KDM4C: variants seen among roughly 807,000 people sequenced by gnomAD.
KDM4C encodes the protein lysine demethylase 4C, also known as lysine-specific demethylase 4C.
A neutral mutation model predicts 129.3 loss-of-function variants in KDM4C; 81 were observed. The ratio of observed to expected loss-of-function variants is 0.63; its 90% confidence interval spans 0.52 to 0.75. KDM4C has a LOEUF of 0.75. Among genes scored for constraint, KDM4C ranks in the 30% least tolerant of loss-of-function variants. The pLI, the probability that KDM4C is intolerant of heterozygous loss-of-function variation, is 0.00. For synonymous variants in KDM4C, 573 were observed against 456.1 expected (o/e 1.26, Z -3.26); for missense variants, 1,457 against 1,304.0 (o/e 1.12, Z -1.81).
intron 8 of KDM4C, among the ~76,000 whole-genome samples, chr9:6,914,581 T>C (rs1268174847): frequency 1.3e-5 from 2 of 152,230 alleles, no homozygotes; most frequent in Non-Finnish European, 2.9e-5. Flanking sequence ...TTATGTCTGC[T>C]ATGGTTTGAG....
intron 12 of KDM4C, among the ~76,000 whole-genome samples, chr9:7,002,388 A>G (rs1057068280): frequency 6.6e-6 from 1 of 152,214 alleles, no homozygotes; most frequent in African/African-American, 2.4e-5. Flanking sequence ...TTATTAGTAC[A>G]ATGTGGAATA....
intron 5 of KDM4C, among the ~76,000 whole-genome samples, chr9:6,877,027 C>A (rs1439789631): frequency 1.3e-5 from 2 of 152,154 alleles, no homozygotes; most frequent in African/African-American, 4.8e-5. Flanking sequence ...ATGTACTACC[C>A]TGTCAGAATC....
chr9:7,108,232 T>G (rs533378637), intron 18 of KDM4C, among the ~76,000 whole-genome samples: 5 of 152,170 alleles, frequency 3.3e-5, no homozygotes, highest in African/African-American at 1.2e-4. Context: ...TACTGAATGC[T>G]TTTTTGTTTT....
intron 5 of KDM4C, among the ~76,000 whole-genome samples, chr9:6,868,399 A>G (rs1842370688): frequency 6.6e-6 from 1 of 152,164 alleles, no homozygotes; most frequent in Admixed American, 6.5e-5. Flanking sequence ...TGCCATAAAA[A>G]GCAGTTTGAA....
chr9:7,031,041 C>T (rs1262377952), intron 15 of KDM4C, among the ~76,000 whole-genome samples: 3 of 151,622 alleles, frequency 2.0e-5, no homozygotes, highest in African/African-American at 7.3e-5. Flanking sequence ...TTTCTTTTTC[C>T]CAAAATGGTT....
intron 8 of KDM4C, among the ~76,000 whole-genome samples, chr9:6,949,588 C>T (rs951462217): frequency 3.9e-5 from 6 of 152,230 alleles, no homozygotes; most frequent in Admixed American, 6.5e-5. Context: ...TCTGCAATCC[C>T]GGCACCTCGG....
At chr9:7,059,964 A>G (rs1831385265) in intron 17 of KDM4C, among the ~76,000 whole-genome samples, 1 of 152,146 alleles carries the variant, frequency 6.6e-6, no homozygotes, top group African/African-American at 2.4e-5. Flanking sequence ...GATCCTTAAT[A>G]ACGTTTAAGA....
intron 9 of KDM4C, chr9:6,981,861 TG>T: frequency 3.6e-6 from 1 of 280,044 alleles, no homozygotes; most frequent in South Asian, 3.5e-5. Context: ...GTAATATTTG[TG>T]CATTGGAGGA....
chr9:7,014,150 A>G, intron 14 of KDM4C, 149 bp downstream of exon 14: 1 of 640,656 alleles, frequency 1.6e-6, no homozygotes, highest in Non-Finnish European at 2.7e-6. Context: ...TCTGCTGGTA[A>G]AAGTATGAGT....
chr9:7,077,107 A>G, intron 17 of KDM4C: 1 of 985,474 alleles, frequency 1.0e-6, no homozygotes, highest in Non-Finnish European at 1.2e-6. Flanking sequence ...TGGGTGATAT[A>G]TGCTATCGAA....
intron 7 of KDM4C, 85 bp from the exon 8 acceptor site, chr9:6,893,010 T>G: frequency 2.7e-6 from 3 of 1,115,844 alleles, no homozygotes; most frequent in Non-Finnish European, 3.6e-6. Flanking sequence ...TTTTCTTTGT[T>G]TTTTAATGGG....
At chr9:6,859,091 A>G (rs1840452873) in intron 5 of KDM4C, among the ~76,000 whole-genome samples, 1 of 152,126 alleles carries the variant, frequency 6.6e-6, no homozygotes, top group African/African-American at 2.4e-5. Context: ...TAGGGTTTGA[A>G]CAAGGTTGTA....
chr9:6,854,467 G>T (rs1459647698), intron 5 of KDM4C, among the ~76,000 whole-genome samples: 1 of 146,526 alleles, frequency 6.8e-6, no homozygotes, highest in East Asian at 2.0e-4. Context: ...GGAGGTTGAG[G>T]TGAGCTGAGA....
chr9:6,761,060 G>T (rs1475785548), intron 1 of KDM4C, among the ~76,000 whole-genome samples: 3 of 129,410 alleles, frequency 2.3e-5, no homozygotes, highest in Admixed American at 1.8e-4. Context: ...GTCTCACTCT[G>T]TGCCAATGGC....
chr9:6,938,290 C>T (rs62533825), intron 8 of KDM4C, among the ~76,000 whole-genome samples: 38,899 of 152,014 alleles, frequency 0.26, 5,431 homozygotes, highest in South Asian at 0.4. Context: ...TTTGTGTACA[C>T]TTATTCCCAT....
chr9:7,171,742 G>C, intron 21 of KDM4C, among the ~76,000 whole-genome samples: 1 of 152,042 alleles, frequency 6.6e-6, no homozygotes, highest in East Asian at 1.9e-4. Context: ...TTCCCCTGTG[G>C]CTGTCTCGGA....
chr9:7,081,825 A>G (rs1834553930), intron 17 of KDM4C, among the ~76,000 whole-genome samples: 1 of 152,176 alleles, frequency 6.6e-6, no homozygotes. Context: ...AAGATAGACC[A>G]GGTGCTGGTA....
In KDM4C at chr9:6,758,385, C is replaced by T. The variant is rs1421394358; in HGVS notation, c.-18+182C>T. 6.6e-6 allele frequency among the ~76,000 whole-genome samples: 1 copy of T among 151,924 alleles called. No homozygotes were observed. The highest frequency in any genetic ancestry group is 2.4e-5 in the African/African-American group (1 of 41,372). ...TCAAGCTGGGGAGGGAGCGGCCGGC[C>T]GCGGCCGCAGGGGAGGGATGCGGGG... On this transcript the variant is annotated intron_variant, in intron 1 of 21. Coordinates refer to ENST00000381309, the MANE Select transcript of KDM4C (RefSeq NM_015061.6). This position sits in a 1 kb window ranked among gnomAD's most constrained non-coding sequence, Gnocchi z 4.6.
At chr9:6,816,199 A>G (rs748942326) in intron 4 of KDM4C, among the ~76,000 whole-genome samples, 5 of 152,224 alleles carry the variant, frequency 3.3e-5, no homozygotes, top group Non-Finnish European at 7.3e-5. Context: ...GCATTCATTC[A>G]TAATCCTTGC....
Sources: gnomAD v4.1 joint callset for allele counts (sites outside exome capture counted in the v4.1 genomes callset) on GRCh38, gnomAD v4.1.1 for gene constraint, Gnocchi (gnomAD v3.1) non-coding constraint, MANE v1.5 for transcripts, NCBI Gene and HGNC (gene_info 2026-07-23, HGNC 2026-07-21) for gene names.